Variants in PLP1 observed in about 807,000 individuals in gnomAD.
PLP1 encodes the protein proteolipid protein 1.
PLP1 carries 2 observed loss-of-function variants against 18.5 expected under a neutral mutation model. The ratio of observed to expected loss-of-function variants is 0.11; its 90% CI spans 0.04 to 0.34. The LOEUF is 0.34. PLP1 is among the 10% of genes least tolerant of loss of function. PLP1 has a pLI of 1.00. For missense variants in PLP1, 105 were observed against 207.3 expected (o/e 0.51, Z 3.03); for synonymous variants, 86 against 83.2 (o/e 1.03, Z -0.19).
chrX:103,788,716 A>G (rs2074520158), intron 5 of PLP1: 1 of 442,161 alleles, frequency 2.3e-6, no homozygotes, highest in South Asian at 3.3e-5. Context: ...GCATAGAAAG[A>G]CTTCCTTTCC....
intron 1 of PLP1, among the ~76,000 whole-genome samples, chrX:103,782,863 G>A (rs2074465224): frequency 1.8e-5 from 2 of 112,154 alleles, no homozygotes; most frequent in Admixed American, 1.9e-4. Flanking sequence ...AAAGAACAAG[G>A]CTTCTTTGTC....
intron 1 of PLP1, among the ~76,000 whole-genome samples, chrX:103,784,679 CA>C (rs1361992456): frequency 8.9e-6 from 1 of 112,171 alleles, no homozygotes; most frequent in Non-Finnish European, 1.9e-5. Context: ...CTGACAATAC[CA>C]GCATCTCTGG....
chrX:103,776,808 C>T, upstream of PLP1: 2 of 480,725 alleles, frequency 4.2e-6, no homozygotes, highest in Non-Finnish European at 7.3e-6. Context: ...AGGCCTGTCC[C>T]TTTAAGGGGG....
chrX:103,782,630 A>G (rs2074462416), intron 1 of PLP1, among the ~76,000 whole-genome samples: 2 of 112,256 alleles, frequency 1.8e-5, no homozygotes, highest in African/African-American at 3.2e-5. Flanking sequence ...CAAGAGTTCA[A>G]GTTCCTCCAT....
chrX:103,780,388 C>G (rs893292790), intron 1 of PLP1: 2 of 111,031 alleles, frequency 1.8e-5, no homozygotes, highest in African/African-American at 6.6e-5. Flanking sequence ...CCTCAGCTTC[C>G]CAATGCTTGC....
chrX:103,791,927 A>G lies in PLP1; in HGVS notation c.*1329A>G, dbSNP rs766812456. Reference sequence around the variant, plus strand: ...TAATGGAAAATGATTTTACTTAGCAATGTTATCTTGGTGTGTTAAGAGTTA... The same window carrying G: ...TAATGGAAAATGATTTTACTTAGCAGTGTTATCTTGGTGTGTTAAGAGTTA... On this transcript the variant is annotated 3_prime_UTR_variant, in exon 7 of 7. Coordinates refer to ENST00000621218, the MANE Select transcript of PLP1 (RefSeq NM_000533.5). 3 of 112,261 alleles carry G rather than the reference A, an allele frequency of 2.7e-5. No individual in the cohort carries two copies. The highest frequency in any genetic ancestry group is 6.5e-5 in the African/African-American group (2 of 30,958). The allele number at this position is 112,261 out of a possible 1,213,427, so 9.3% of individuals were successfully genotyped here.
chrX:103,789,045 A>T lies in PLP1; in HGVS notation c.697-288A>T, dbSNP rs1414468330. On this transcript the variant is annotated intron_variant, in intron 5 of 6. Coordinates refer to ENST00000621218, the MANE Select transcript of PLP1 (RefSeq NM_000533.5). The stretch of plus-strand genomic sequence containing the variant: ...TTATTTCTTTGACAGCAAAATGTTG[A>T]CTTTAAATTTTGGGCCCCTGGGCAC... 4 of 380,331 alleles carry T rather than the reference A, an allele frequency of 1.1e-5. No individual in the cohort carries two copies. The Admixed American group carries it at 1.8e-4, about 17-fold the overall frequency. The allele number at this position is 380,331 out of a possible 1,213,427, so 31.3% of individuals were successfully genotyped here. A position where few individuals can be genotyped will look rare whatever the true frequency, so the allele number is the denominator to read the frequency against.
Position 103,790,838 on chromosome X carries a change from TAAG to T in PLP1, c.*245_*247del, listed in dbSNP as rs1330899755. On this transcript the variant is annotated 3_prime_UTR_variant, in exon 7 of 7. Coordinates refer to ENST00000621218, the MANE Select transcript of PLP1 (RefSeq NM_000533.5). ...GTTCCTGCTAGAAATGGGAAATGCC[TAAG>T]AAGATGACTTCCCAACTGCAAGTCA... is the stretch of plus-strand genomic sequence containing the variant. 5.8e-5 allele frequency: 24 copies of T among 410,295 alleles called. No homozygotes were observed. Among genetic ancestry groups the T allele is most frequent in the Admixed American group, 8.1e-5 (2 of 24,645 alleles). The allele number at this position is 410,295 out of a possible 1,213,427, so 33.8% of individuals were successfully genotyped here.
At position 103,786,465 on chromosome X, in the gene PLP1, G is replaced by A; in HGVS notation, c.192G>A (p.Val64=). ...CTCGTTTGTCTACCTGTTAATGCAG[G>A]ATCCATGCCTTCCAGTATGTCATCT... The part of the protein sequence containing the change: ...NYQDYEYLIN[V]IHAFQYVIYG... The change falls in exon 3 of 7, where the codon GTG becomes GTA. Residue 64 remains valine (V), a splice_region_variant and synonymous_variant. Coordinates refer to ENST00000621218, the MANE Select transcript of PLP1 (RefSeq NM_000533.5). The A allele has an allele frequency of 8.3e-7, 1 of 1,208,544 alleles. No individual in the cohort carries two copies.
chrX:103,788,001 C>T lies in PLP1; in HGVS notation c.622+35C>T, dbSNP rs752753316. ...GGTACGGGTGCTTTGGCTCTCCTAC[C>T]CACTATGGAAGCACTATATATTTGG... On this transcript the variant is annotated intron_variant, in intron 4 of 6. Transcript: ENST00000621218. 21 of 1,104,015 alleles carry T rather than the reference C, an allele frequency of 1.9e-5. No individual in the cohort carries two copies. In the East Asian group the frequency reaches 6.3e-4, roughly 33 times the overall value. 91.0% of individuals were successfully genotyped at this position (1,104,015 alleles called of 1,213,427 possible). A position where few individuals can be genotyped will look rare whatever the true frequency, so the allele number is the denominator to read the frequency against.
At position 103,776,894 on chromosome X, in the gene PLP1, C is replaced by G. The variant is rs774706532; in HGVS notation, c.-102C>G. On this transcript the variant is annotated 5_prime_UTR_variant, in exon 1 of 7. Transcript: ENST00000621218. ...TACTCAGAGAGAAAAAGTAAAAGAC[C>G]GAAGAAGGAGGCTGGAGAGACCAGG... 1.3e-6 allele frequency: 1 copy of G among 795,764 alleles called. No individual in the cohort carries two copies. Among genetic ancestry groups the G allele is most frequent in the East Asian group, 3.2e-5 (1 of 31,254 alleles). 65.6% of individuals were successfully genotyped at this position (795,764 alleles called of 1,213,427 possible).
At position 103,789,321 on chromosome X, in the gene PLP1, A is replaced by C. The variant is rs750791586; in HGVS notation, c.697-12A>C. The C allele has an allele frequency of 8.4e-7, 1 of 1,188,314 alleles. No individual in the cohort carries two copies. The highest frequency in any genetic ancestry group is 1.1e-6 in the Non-Finnish European group (1 of 875,065). On this transcript the variant is annotated splice_polypyrimidine_tract_variant and intron_variant, in intron 5 of 6. Transcript: ENST00000621218. ...TGCAAGAAACAGTTCTTCCTCTTTC[A>C]TTTTCCTGCAGTTCCAAATGACCTT...
In PLP1 at chrX:103,776,867, G is replaced by A; in HGVS notation, c.-129G>A. 1.5e-6 allele frequency: 1 copy of A among 651,720 alleles called. No individual in the cohort carries two copies. Among genetic ancestry groups the A allele is most frequent in the South Asian group, 2.5e-5 (1 of 40,110 alleles). The allele number at this position is 651,720 out of a possible 1,213,427, so 53.7% of individuals were successfully genotyped here. A position where few individuals can be genotyped will look rare whatever the true frequency, so the allele number is the denominator to read the frequency against. On this transcript the variant is annotated 5_prime_UTR_variant, in exon 1 of 7. Coordinates refer to ENST00000621218, the MANE Select transcript of PLP1 (RefSeq NM_000533.5). The stretch of plus-strand genomic sequence containing the variant: ...TTTCATTGCAGGAGAAGAGGACAAA[G>A]ATACTCAGAGAGAAAAAGTAAAAGA...
intron 1 of PLP1, among the ~76,000 whole-genome samples, chrX:103,777,323 T>A (rs1325141222): frequency 9.0e-6 from 1 of 111,360 alleles, no homozygotes; most frequent in Non-Finnish European, 1.9e-5. Flanking sequence ...TCCAAGGCCC[T>A]GGCAACGGTT....
intron 1 of PLP1, among the ~76,000 whole-genome samples, chrX:103,781,973 C>A (rs1028482205): frequency 0.57 from 119 of 207 alleles, 2 homozygotes; most frequent in Admixed American, 0.68. Flanking sequence ...ATTGTTCACA[C>A]ATACCCAAGG....
chrX:103,776,829 A>G, upstream of PLP1: 1 of 522,705 alleles, frequency 1.9e-6, no homozygotes, highest in South Asian at 3.1e-5. Flanking sequence ...TTGGCTGTCA[A>G]TCAGAAAGCC....
chrX:103,778,492 T>C (rs1439046572), intron 1 of PLP1, among the ~76,000 whole-genome samples: 2 of 111,113 alleles, frequency 1.8e-5, no homozygotes, highest in Non-Finnish European at 3.8e-5. Context: ...ACTGGATAGG[T>C]TGTGCATTAA....
chrX:103,781,096 A>G (rs2074449913), intron 1 of PLP1: 1 of 219,091 alleles, frequency 4.6e-6, no homozygotes. Flanking sequence ...GCAGGGTACA[A>G]TTGGTCTCTT....
chrX:103,781,337 TC>T (rs2074452464), intron 1 of PLP1: 3 of 323,425 alleles, frequency 9.3e-6, no homozygotes, highest in Non-Finnish European at 1.8e-5. Context: ...TTGATCTCTG[TC>T]AGACCGCTGT....
Sources: allele counts gnomAD v4.1 joint callset (sites outside exome capture counted in the v4.1 genomes callset), GRCh38; gene constraint gnomAD v4.1.1; transcripts MANE v1.5; gene names NCBI Gene and HGNC (gene_info 2026-07-23, HGNC 2026-07-21).